PRAG1: variants seen among roughly 807,000 people sequenced by gnomAD.
The protein encoded by PRAG1 is inactive tyrosine-protein kinase PRAG1.
A neutral mutation model predicts 95.6 loss-of-function variants in PRAG1; 110 were observed. The observed-to-expected ratio is 1.15, with a 90% CI of 0.99 to 1.35. PRAG1 has a LOEUF of 1.35. Ranked by LOEUF, PRAG1 falls within the 40% of genes most tolerant of loss-of-function variation. PRAG1 has a pLI of 0.00. For synonymous variants in PRAG1, 1,052 were observed against 819.4 expected, an observed-to-expected ratio of 1.28 and a Z score of -4.85; for missense variants, 2,554 against 1,864.7, an observed-to-expected ratio of 1.37 and a Z score of -6.81.
rs370229203 is a variant in PRAG1 at position 8,381,457 on chromosome 8, A to G, written c.291T>C (p.Asp97=). 1.8e-5 allele frequency: 29 copies of G among 1,614,074 alleles called. No individual in the cohort carries two copies. In the African/African-American group the frequency reaches 3.6e-4, roughly 20 times the overall value. Residue 97 remains aspartate (D), a synonymous_variant, in exon 2 of 6, where the codon GAT becomes GAC. Coordinates refer to ENST00000615670, the MANE Select transcript of PRAG1 (RefSeq NM_001080826.3). ...CACTCAGGTTGGCCTCTGTCCACACATCAGAGGCCTCGGAGCTCATCATGG... is the reference window on the plus strand; with the variant it reads ...CACTCAGGTTGGCCTCTGTCCACACGTCAGAGGCCTCGGAGCTCATCATGG... The part of the protein sequence containing the change: ...KPTMMSSEAS[D]VWTEANLSAE...
chr8:8,334,423 G>A (rs1798920403), intron 4 of PRAG1, among the ~76,000 whole-genome samples: 1 of 146,106 alleles, frequency 6.8e-6, no homozygotes, highest in Non-Finnish European at 1.5e-5. Flanking sequence ...GTGACCGAGT[G>A]AGACTCCATC....
At chr8:8,372,112 T>G (rs1305860548) in intron 3 of PRAG1, among the ~76,000 whole-genome samples, 1 of 152,182 alleles carries the variant, frequency 6.6e-6, no homozygotes, top group Non-Finnish European at 1.5e-5. Context: ...CACCCAAAAG[T>G]CATTAAGTCA....
At chr8:8,354,743 T>C (rs995300626) in intron 3 of PRAG1, among the ~76,000 whole-genome samples, 1 of 152,160 alleles carries the variant, frequency 6.6e-6, no homozygotes, top group Non-Finnish European at 1.5e-5. Context: ...ATAAAAACTC[T>C]TAACAGCTTG....
chr8:8,373,020 A>G (rs1429433247), intron 3 of PRAG1, among the ~76,000 whole-genome samples: 2 of 152,148 alleles, frequency 1.3e-5, no homozygotes, highest in Non-Finnish European at 2.9e-5. Flanking sequence ...AATAGGATCT[A>G]TTTCACAAAT....
intron 4 of PRAG1, among the ~76,000 whole-genome samples, chr8:8,335,841 G>A (rs545959499): frequency 2.0e-5 from 3 of 152,234 alleles, no homozygotes; most frequent in Non-Finnish European, 4.4e-5. Context: ...AAGGGACTGG[G>A]AATTATTTCC....
chr8:8,355,847 A>T (rs926164891), intron 3 of PRAG1, among the ~76,000 whole-genome samples: 1 of 152,208 alleles, frequency 6.6e-6, no homozygotes, highest in Non-Finnish European at 1.5e-5. Context: ...AGGAAAATCT[A>T]TTTGATATTG....
In PRAG1 at chr8:8,318,027, T is replaced by C; in HGVS notation, c.*127A>G. 1.3e-6 allele frequency: 1 copy of C among 751,300 alleles called. No individual in the cohort carries two copies. Among genetic ancestry groups the C allele is most frequent in the Non-Finnish European group, 2.0e-6 (1 of 499,954 alleles). 46.5% of individuals were successfully genotyped at this position (751,300 alleles called of 1,614,324 possible). A position where few individuals can be genotyped will look rare whatever the true frequency, so the allele number is the denominator to read the frequency against. ...TATATGTATTTTCTATATATATATT[T>C]ATATATTTTACATCCAGGTATCCCA... On this transcript the variant is annotated 3_prime_UTR_variant, in exon 6 of 6. Transcript: ENST00000615670. The surrounding 1 kb of genome is among the most constrained non-coding windows in gnomAD (Gnocchi z 4.2).
intron 3 of PRAG1, among the ~76,000 whole-genome samples, chr8:8,349,212 G>C (rs1279128821): frequency 6.6e-6 from 1 of 152,128 alleles, no homozygotes; most frequent in East Asian, 1.9e-4. Flanking sequence ...CAGAAGATAG[G>C]AGGAGAAAGG....
intron 3 of PRAG1, among the ~76,000 whole-genome samples, chr8:8,349,473 G>A (rs369109876): frequency 3.6e-4 from 55 of 151,894 alleles, no homozygotes; most frequent in South Asian, 2.1e-3. Context: ...TAGTAGAGAC[G>A]GGGTTTCACT....
At position 8,378,076 on chromosome 8, in the gene PRAG1, G is replaced by A. The variant is rs780607570; in HGVS notation, c.333C>T (p.Val111=). 3.3e-6 allele frequency: 5 copies of A among 1,530,356 alleles called. No individual in the cohort carries two copies. Among genetic ancestry groups the A allele is most frequent in the Non-Finnish European group, 3.5e-6 (4 of 1,142,084 alleles). The allele number at this position is 1,530,356 out of a possible 1,614,324, so 94.8% of individuals were successfully genotyped here. ...EANLSAEVSQ[V]IWRRAPGKLP... is the part of the protein sequence containing the mutation. ...GCTTGCCAGGGGCTCGTCTCCAGAT[G>A]ACCTACACACAAGCCCAACGCAAAA... The change falls in exon 3 of 6, where the codon GTC becomes GTT. Residue 111 remains valine, a splice_region_variant and synonymous_variant. Coordinates refer to ENST00000615670, the MANE Select transcript of PRAG1 (RefSeq NM_001080826.3).
At chr8:8,380,406 C>G (rs565304389) in intron 2 of PRAG1, among the ~76,000 whole-genome samples, 1 of 151,406 alleles carries the variant, frequency 6.6e-6, no homozygotes, top group Non-Finnish European at 1.5e-5. Flanking sequence ...AGAGACCAGA[C>G]TAGCCAACAT....
rs886767698 is a variant in PRAG1 at position 8,386,420 on chromosome 8, G to T, written c.-187C>A. ...AAGGTCTGCGCGCGGTGCGTGCCCG[G>T]CCGCGGGCGGGTGGCTTCTGCCTGG... On this transcript the variant is annotated 5_prime_UTR_variant, in exon 1 of 6. Transcript: ENST00000615670. 3.3e-5 allele frequency: 5 copies of T among 151,742 alleles called. No homozygotes were observed. Among genetic ancestry groups the T allele is most frequent in the Admixed American group, 2.0e-4 (3 of 15,224 alleles). 9.4% of individuals were successfully genotyped at this position (151,742 alleles called of 1,614,324 possible).
intron 4 of PRAG1, among the ~76,000 whole-genome samples, chr8:8,337,282 G>C (rs1483788073): frequency 2.0e-5 from 3 of 152,118 alleles, no homozygotes; most frequent in African/African-American, 7.2e-5. Flanking sequence ...AGTTGCAATG[G>C]ATAAATATTT....
intron 3 of PRAG1, among the ~76,000 whole-genome samples, chr8:8,371,889 G>C (rs997615411): frequency 6.6e-6 from 1 of 152,058 alleles, no homozygotes; most frequent in Non-Finnish European, 1.5e-5. Context: ...AAAAAACAAA[G>C]ACGTCACCCA....
intron 4 of PRAG1, among the ~76,000 whole-genome samples, chr8:8,337,277 C>T (rs1799021325): frequency 1.3e-5 from 2 of 152,136 alleles, no homozygotes; most frequent in South Asian, 2.1e-4. Context: ...ACTAAAGTTG[C>T]AATGGATAAA....
chr8:8,366,962 C>A (rs889191092), intron 3 of PRAG1, among the ~76,000 whole-genome samples: 3 of 152,060 alleles, frequency 2.0e-5, no homozygotes, highest in Admixed American at 6.6e-5. Flanking sequence ...TATGAGCCAC[C>A]GTGCCCAGCT....
In PRAG1 at chr8:8,318,727, G is replaced by A. The variant is rs1798367526; in HGVS notation, c.3648C>T (p.Asn1216=). Reference sequence around the variant, plus strand: ...CCGGCTTCTGCTTGGCCTTCAAAAAGTTGCTGATGATGAGCCGGGGCAGCT... The same window carrying A: ...CCGGCTTCTGCTTGGCCTTCAAAAAATTGCTGATGATGAGCCGGGGCAGCT... ...EKQLPRLIIS[N]FLKAKQKPGG... is the part of the protein sequence containing the mutation. The change falls in exon 6 of 6, where the codon AAC becomes AAT. Residue 1216 remains asparagine (N), a synonymous_variant. Transcript: ENST00000615670. The surrounding 1 kb of genome is among the most constrained non-coding windows in gnomAD (Gnocchi z 4.2). The A allele has an allele frequency of 6.2e-7, 1 of 1,609,000 alleles. No homozygotes were observed. The highest frequency in any genetic ancestry group is 1.3e-5 in the African/African-American group (1 of 74,854).
intron 3 of PRAG1, among the ~76,000 whole-genome samples, chr8:8,371,387 A>C (rs938761944): frequency 4.0e-5 from 6 of 151,580 alleles, no homozygotes; most frequent in Non-Finnish European, 8.8e-5. Context: ...CAGCCTCCCG[A>C]GTAGCTGGGA....
chr8:8,318,892 G>C lies in PRAG1; in HGVS notation c.3483C>G (p.Gly1161=), dbSNP rs1450744451. 6.8e-7 allele frequency: 1 copy of C among 1,467,462 alleles called. No homozygotes were observed. The highest frequency in any genetic ancestry group is 9.1e-7 in the Non-Finnish European group (1 of 1,098,812). 90.9% of individuals were successfully genotyped at this position (1,467,462 alleles called of 1,614,324 possible). A position where few individuals can be genotyped will look rare whatever the true frequency, so the allele number is the denominator to read the frequency against. ...GGGCGGGGGCGGGGGCGGGCCCGGG[G>C]CCGGCCTGGAGGGTGCAGTGCACCA... ...LLLVHCTLQA[G]PGPAPAPAPA... is the part of the protein sequence containing the mutation. The change falls in exon 6 of 6, where the codon GGC becomes GGG. Residue 1161 remains glycine, a synonymous_variant. Transcript: ENST00000615670. The surrounding 1 kb of genome is among the most constrained non-coding windows in gnomAD (Gnocchi z 4.2).
Sources: allele counts gnomAD v4.1 joint callset (sites outside exome capture counted in the v4.1 genomes callset), GRCh38; gene constraint gnomAD v4.1.1; non-coding constraint Gnocchi (gnomAD v3.1); transcripts MANE v1.5; gene names NCBI Gene and HGNC (gene_info 2026-07-23, HGNC 2026-07-21).